The following IL18R1 variants were observed in gnomAD, a reference collection of about 807,000 sequenced individuals.
IL18R1 encodes the protein interleukin-18 receptor 1.
A neutral mutation model predicts 48.5 loss-of-function variants in IL18R1; 40 were observed. The observed-to-expected ratio is 0.82, with a 90% CI of 0.64 to 1.07. The LOEUF (loss-of-function observed/expected upper bound fraction) is 1.07, where lower values mean the gene tolerates loss of function less well. Ranked by LOEUF, IL18R1 falls within the 50% of genes least tolerant of loss-of-function variation. The pLI, the probability that IL18R1 is intolerant of heterozygous loss-of-function variation, is 0.00. For synonymous variants in IL18R1, 232 were observed against 225.9 expected (o/e 1.03, Z -0.24); for missense variants, 596 against 633.7 (o/e 0.94, Z 0.64).
Position 102,396,867 on chromosome 2 carries a change from C to G in IL18R1, c.1607C>G (p.Pro536Arg). Residue 536 changes from proline to arginine, a missense_variant, in exon 11 of 11, where the codon CCT (proline) becomes CGT (arginine). This residue lies in a region of IL18R1 where 179 missense variants were observed against 206.1 expected (regional missense o/e 0.87). Coordinates refer to ENST00000233957, the MANE Select transcript of IL18R1 (RefSeq NM_003855.5). Reference protein sequence around the residue: ...KPGRDEPEVLPVLSES With the variant: ...KPGRDEPEVLRVLSES ...GGTAGAGACGAACCGGAAGTCTTGC[C>G]TGTTCTTTCCGAGTCTTAATCTTCA... The G allele has an allele frequency of 6.3e-7, 1 of 1,587,434 alleles. No homozygotes were observed. The highest frequency in any genetic ancestry group is 8.5e-7 in the Non-Finnish European group (1 of 1,171,000).
intron 5 of IL18R1, among the ~76,000 whole-genome samples, chr2:102,380,013 A>G (rs1347978995): frequency 6.6e-6 from 1 of 152,206 alleles, no homozygotes; most frequent in Non-Finnish European, 1.5e-5. Context: ...CATTGCCTTC[A>G]GCTTGTGCTC....
Position 102,376,008 on chromosome 2 carries a change from T to C in IL18R1, c.570T>C (p.His190=). Residue 190 remains histidine, a synonymous_variant, in exon 5 of 11, where the codon CAT becomes CAC. Transcript: ENST00000233957. ...QGYYSCVHFL[H]HNGKLFNITK... ...ATTACTCCTGCGTGCATTTCCTTCA[T>C]CATAATGGAAAACTATTTAATATCA... 6.2e-7 allele frequency: 1 copy of C among 1,605,802 alleles called. No homozygotes were observed. Among genetic ancestry groups the C allele is most frequent in the Non-Finnish European group, 8.5e-7 (1 of 1,177,114 alleles).
intron 2 of IL18R1, among the ~76,000 whole-genome samples, chr2:102,363,864 G>T (rs1257279225): frequency 6.6e-6 from 1 of 152,168 alleles, no homozygotes; most frequent in Non-Finnish European, 1.5e-5. Context: ...TATTCCAAAG[G>T]GCATTGGTTG....
rs1678643490 is a variant in IL18R1 at position 102,362,651 on chromosome 2, A to G, written c.-10A>G. On this transcript the variant is annotated 5_prime_UTR_variant, in exon 2 of 11. Coordinates refer to ENST00000233957, the MANE Select transcript of IL18R1 (RefSeq NM_003855.5). The stretch of plus-strand genomic sequence containing the variant: ...TTTCCAGAGAAGCCATTTGAAGCAG[A>G]ATCCAAACCATGAATTGTAGAGAAT... 1 of 1,600,260 alleles carries G rather than the reference A, an allele frequency of 6.2e-7. No individual in the cohort carries two copies. The highest frequency in any genetic ancestry group is 1.3e-5 in the African/African-American group (1 of 74,302).
chr2:102,374,967 G>T (rs965219498), intron 4 of IL18R1, among the ~76,000 whole-genome samples: 3 of 152,138 alleles, frequency 2.0e-5, no homozygotes, highest in African/African-American at 7.2e-5. Context: ...AAGAGTCTCT[G>T]ATCTTTTCTA....
At chr2:102,395,221 C>A (rs1261517335) in intron 10 of IL18R1, among the ~76,000 whole-genome samples, 1 of 151,608 alleles carries the variant, frequency 6.6e-6, no homozygotes, top group Non-Finnish European at 1.5e-5. Context: ...GCCATAGTGC[C>A]TATATTAAAG....
chr2:102,360,471 G>A (rs1442260127), intron 1 of IL18R1, among the ~76,000 whole-genome samples: 1 of 152,108 alleles, frequency 6.6e-6, no homozygotes, highest in African/African-American at 2.4e-5. Flanking sequence ...CACCATGTTA[G>A]TCAGGATGGT....
In IL18R1 at chr2:102,394,570, G is replaced by C. The variant is rs761472149; in HGVS notation, c.1213G>C (p.Glu405Gln). 22 of 1,613,332 alleles carry C rather than the reference G, an allele frequency of 1.4e-5. No homozygotes were observed. Among genetic ancestry groups the C allele is most frequent in the Non-Finnish European group, 8.5e-7 (1 of 1,179,530 alleles). Reference protein sequence around the residue: ...FAVEILPRVLEKHFGYKLCIF... With the variant: ...FAVEILPRVLQKHFGYKLCIF... ...TGTGGAGATTTTGCCCAGGGTGTTG[G>C]AGAAACATTTTGGGTATAAGTTATG... The change falls in exon 10 of 11, where the codon GAG (glutamate) becomes CAG (glutamine). Residue 405 changes from glutamate to glutamine, a missense_variant. By Grantham distance (29) the Glu-to-Gln change is conservative. Coordinates refer to ENST00000233957, the MANE Select transcript of IL18R1 (RefSeq NM_003855.5).
At chr2:102,393,352 C>T (rs1342896052) in intron 9 of IL18R1, among the ~76,000 whole-genome samples, 1 of 152,182 alleles carries the variant, frequency 6.6e-6, no homozygotes, top group Admixed American at 6.5e-5. Context: ...GAAATTTTTA[C>T]CAACATTTTT....
At chr2:102,378,426 T>A (rs564995514) in intron 5 of IL18R1, among the ~76,000 whole-genome samples, 2 of 152,312 alleles carry the variant, frequency 1.3e-5, no homozygotes, top group Non-Finnish European at 2.9e-5. Flanking sequence ...TCTGCTGTAA[T>A]GACCATCTCC....
chr2:102,368,285 A>G (rs2105050223), intron 3 of IL18R1, among the ~76,000 whole-genome samples: 1 of 152,322 alleles, frequency 6.6e-6, no homozygotes, highest in East Asian at 1.9e-4. Context: ...GATTACTTTG[A>G]TAGGATTTCC....
Position 102,397,196 on chromosome 2 carries a change from T to G in IL18R1, c.*310T>G, listed in dbSNP as rs1680870458. 1.1e-5 allele frequency: 3 copies of G among 261,820 alleles called. No homozygotes were observed. The highest frequency in any genetic ancestry group is 7.1e-6 in the Non-Finnish European group (1 of 139,886). 16.2% of individuals were successfully genotyped at this position (261,820 alleles called of 1,614,324 possible). ...TCAGCAAGTGTGAAGCTGGACGTGA[T>G]GCAAAATAACCGATGCCCTACAAAA... is the stretch of plus-strand genomic sequence containing the variant. On this transcript the variant is annotated 3_prime_UTR_variant, in exon 11 of 11. Coordinates refer to ENST00000233957, the MANE Select transcript of IL18R1 (RefSeq NM_003855.5).
intron 1 of IL18R1, among the ~76,000 whole-genome samples, chr2:102,358,500 C>A (rs934510086): frequency 1.3e-5 from 2 of 152,164 alleles, no homozygotes; most frequent in African/African-American, 4.8e-5. Flanking sequence ...TGTGTACACA[C>A]ACGTACGTAC....
At chr2:102,395,095 A>G (rs1231095510) in intron 10 of IL18R1, among the ~76,000 whole-genome samples, 1 of 152,290 alleles carries the variant, frequency 6.6e-6, no homozygotes, top group East Asian at 1.9e-4. Flanking sequence ...TTGGTGACGA[A>G]ATTTAAGTAG....
At chr2:102,368,185 T>G in intron 3 of IL18R1, 117 bp downstream of exon 3, 1 of 1,123,776 alleles carries the variant, frequency 8.9e-7, no homozygotes, top group Non-Finnish European at 1.3e-6. Context: ...TCTTTCCTAC[T>G]CTTCCTATGA....
Position 102,396,706 on chromosome 2 carries a change from CACA to C in IL18R1, c.1447_1449del (p.Thr483del). 1 of 1,614,112 alleles carries C rather than the reference CACA, an allele frequency of 6.2e-7. No individual in the cohort carries two copies. Among genetic ancestry groups the C allele is most frequent in the Non-Finnish European group, 8.5e-7 (1 of 1,179,970 alleles). ...TTGAATTTACACCTGTTACTGACTTCACATTCTTGCCCCAATCACTAAAGCTTT... is the reference window on the plus strand; with the variant it reads ...TTGAATTTACACCTGTTACTGACTTCTTCTTGCCCCAATCACTAAAGCTTT... On this transcript the variant is annotated inframe_deletion, in exon 11 of 11. Coordinates refer to ENST00000233957, the MANE Select transcript of IL18R1 (RefSeq NM_003855.5).
chr2:102,362,825 A>G, intron 2 of IL18R1, 107 bp downstream of exon 2: 1 of 624,330 alleles, frequency 1.6e-6, no homozygotes, highest in Non-Finnish European at 2.7e-6. Context: ...ATTTATTCAG[A>G]AAAGAAAAGA....
rs779348174 is a variant in IL18R1, at chr2:102,390,226, T to A, written c.1111+9T>A. ...AGATGAAACATTAACAGGTAACACA[T>A]ATAATGCTGGAATTTCTTACCTTAT... On this transcript the variant is annotated intron_variant, in intron 9 of 10. Coordinates refer to ENST00000233957, the MANE Select transcript of IL18R1 (RefSeq NM_003855.5). The A allele has an allele frequency of 6.2e-7, 1 of 1,611,228 alleles. No individual in the cohort carries two copies. Among genetic ancestry groups the A allele is most frequent in the South Asian group, 1.1e-5 (1 of 90,998 alleles).
chr2:102,388,636 C>G (rs961423203), intron 8 of IL18R1, among the ~76,000 whole-genome samples: 6 of 152,188 alleles, frequency 3.9e-5, no homozygotes, highest in African/African-American at 1.4e-4. Context: ...GTCAATTCTC[C>G]TGCTGCTGCT....
Sources: gnomAD v4.1 joint callset for allele counts (sites outside exome capture counted in the v4.1 genomes callset) on GRCh38, gnomAD v4.1.1 for gene constraint, gnomAD v4.1.1 regional missense constraint, MANE v1.5 for transcripts, NCBI Gene and HGNC (gene_info 2026-07-23, HGNC 2026-07-21) for gene names.